The following COL8A1 variants were observed in gnomAD, a reference collection of about 807,000 sequenced individuals.
COL8A1 encodes collagen type VIII alpha 1 chain.
In COL8A1, 21 loss-of-function variants were observed where a neutral mutation model predicts 42.7. That is an observed-to-expected ratio of 0.49 (90% CI 0.35 to 0.71). The LOEUF (loss-of-function observed/expected upper bound fraction) is 0.71, where lower values mean the gene tolerates loss of function less well. Among genes scored for constraint, COL8A1 ranks in the 30% least tolerant of loss-of-function variants. The pLI is 0.01. For synonymous variants in COL8A1, 367 were observed against 369.1 expected, an observed-to-expected ratio of 0.99 and a Z score of 0.06; for missense variants, 788 against 962.4, an observed-to-expected ratio of 0.82 and a Z score of 2.40.
At position 99,790,904 on chromosome 3, in the gene COL8A1, G is replaced by A; in HGVS notation, c.222G>A (p.Met74Ile). The A allele has an allele frequency of 6.2e-7, 1 of 1,614,144 alleles. No homozygotes were observed. The highest frequency in any genetic ancestry group is 1.1e-5 in the South Asian group (1 of 91,084). Reference sequence around the variant, plus strand: ...ATGGCCTTGCCATGGGCAAGGAGATGCCCCACTTGCAGTATGGCAAAGAGT... The same window carrying A: ...ATGGCCTTGCCATGGGCAAGGAGATACCCCACTTGCAGTATGGCAAAGAGT... ...AKDGLAMGKE[M>I]PHLQYGKEYP... Residue 74 changes from methionine (M) to isoleucine (I), a missense_variant, in exon 3 of 4, where the codon ATG (methionine) becomes ATA (isoleucine). Met to Ile is a conservative substitution (Grantham distance 10, BLOSUM62 1). This residue lies in a region of COL8A1 where 421 missense variants were observed against 553.1 expected (regional missense o/e 0.76). Coordinates refer to ENST00000652472, the MANE Select transcript of COL8A1 (RefSeq NM_020351.4).
In COL8A1 at chr3:99,758,434, T is replaced by G. The variant is rs368519015; in HGVS notation, c.-4+13413T>G. ...CATAATTCCATTACATTTATGGCTG[T>G]ATAAACTGAGCAGAGCTCCTCTTGA... On this transcript the variant is annotated intron_variant, in intron 2 of 3. Coordinates refer to ENST00000652472, the MANE Select transcript of COL8A1 (RefSeq NM_020351.4). Among the ~76,000 whole-genome samples the G allele has an allele frequency of 3.5e-3, 534 of 152,254 alleles. 4 individuals are homozygous for G. The highest frequency in any genetic ancestry group is 0.012 in the African/African-American group (506 of 41,540).
chr3:99,725,120 A>G lies in COL8A1; in HGVS notation c.-128-19777A>G, dbSNP rs76705248. ...ACTGAAAGAGGCTTAATTTAGAGCA[A>G]TTCTGGGGGGAGTGCTCTCTCTGGA... On this transcript the variant is annotated intron_variant, in intron 1 of 3. Coordinates refer to ENST00000652472, the MANE Select transcript of COL8A1 (RefSeq NM_020351.4). Among the ~76,000 whole-genome samples the G allele has an allele frequency of 3.2e-3, 485 of 152,184 alleles. 13 individuals carry two copies. In the East Asian group the frequency reaches 0.061, roughly 19 times the overall value.
chr3:99,639,060 C>A (rs369761301), intron 1 of COL8A1, among the ~76,000 whole-genome samples: 25 of 152,138 alleles, frequency 1.6e-4, no homozygotes, highest in East Asian at 9.6e-4. Context: ...AGTTAACTTC[C>A]TAAAAATAGC....
intron 1 of COL8A1, among the ~76,000 whole-genome samples, chr3:99,705,537 C>G (rs139323562): frequency 6.6e-6 from 1 of 152,156 alleles, no homozygotes; most frequent in Non-Finnish European, 1.5e-5. Flanking sequence ...TTTCTTTGTA[C>G]TTGAATTATT....
chr3:99,665,767 C>A (rs1050856795), intron 1 of COL8A1, among the ~76,000 whole-genome samples: 2 of 150,186 alleles, frequency 1.3e-5, no homozygotes, highest in African/African-American at 4.9e-5. Flanking sequence ...CTGCAACCTC[C>A]GCCTCCCGGG....
At chr3:99,791,816 T>C (rs763634082) in intron 3 of COL8A1, among the ~76,000 whole-genome samples, 1 of 152,348 alleles carries the variant, frequency 6.6e-6, no homozygotes. Context: ...GAGGCCTAGA[T>C]GCCTGGATGC....
At chr3:99,664,951 C>T (rs1938318808) in intron 1 of COL8A1, among the ~76,000 whole-genome samples, 1 of 152,182 alleles carries the variant, frequency 6.6e-6, no homozygotes, top group South Asian at 2.1e-4. Flanking sequence ...CTTCCAACGT[C>T]CTTCAGATGC....
intron 1 of COL8A1, among the ~76,000 whole-genome samples, chr3:99,656,159 A>G (rs1171121816): frequency 6.6e-6 from 1 of 152,254 alleles, no homozygotes; most frequent in Non-Finnish European, 1.5e-5. Flanking sequence ...GGTATAAAAT[A>G]TCAGCTATTG....
intron 1 of COL8A1, among the ~76,000 whole-genome samples, chr3:99,709,708 T>G (rs1406479615): frequency 6.6e-6 from 1 of 152,190 alleles, no homozygotes; most frequent in African/African-American, 2.4e-5. Context: ...TCTATTTGGT[T>G]TGACCTGTGT....
At chr3:99,699,780 TTCTC>T (rs1343008208) in intron 1 of COL8A1, among the ~76,000 whole-genome samples, 3 of 152,140 alleles carry the variant, frequency 2.0e-5, no homozygotes, top group Non-Finnish European at 2.9e-5. Context: ...GACATCCTCT[TTCTC>T]TCTCCCCCGT....
chr3:99,683,849 T>C (rs1390725294), intron 1 of COL8A1, among the ~76,000 whole-genome samples: 1 of 152,186 alleles, frequency 6.6e-6, no homozygotes, highest in Non-Finnish European at 1.5e-5. Context: ...AAGTGCATGC[T>C]TTCAGCCCAA....
intron 1 of COL8A1, among the ~76,000 whole-genome samples, chr3:99,723,341 G>A (rs1940209681): frequency 6.6e-6 from 1 of 152,008 alleles, no homozygotes; most frequent in South Asian, 2.1e-4. Context: ...GTAGAGACCT[G>A]CCTGGAAGTT....
chr3:99,680,597 T>A (rs1938843825), intron 1 of COL8A1: 1 of 152,194 alleles, frequency 6.6e-6, no homozygotes, highest in African/African-American at 2.4e-5. Flanking sequence ...GTTGAGCTAG[T>A]TTACAGTCCC....
intron 1 of COL8A1, among the ~76,000 whole-genome samples, chr3:99,695,736 A>T (rs1445848181): frequency 6.6e-6 from 1 of 152,172 alleles, no homozygotes; most frequent in African/African-American, 2.4e-5. Context: ...TATTGCACAA[A>T]ATATAGGCTC....
chr3:99,796,057 C>T lies in COL8A1; in HGVS notation c.2156C>T (p.Pro719Leu). 1.2e-6 allele frequency: 2 copies of T among 1,611,340 alleles called. No homozygotes were observed. The highest frequency in any genetic ancestry group is 1.7e-6 in the Non-Finnish European group (2 of 1,178,368). ...GGAGACCGGGTGTTCCTCCAGATGC[C>T]CTCAGAACAGGCTGCAGGACTGTAT... ...RPGDRVFLQM[P>L]SEQAAGLYAG... The change falls in exon 4 of 4, where the codon CCC becomes CTC. Residue 719 changes from proline (P) to leucine (L), a missense_variant. Physicochemically the swap from Pro to Leu is moderately conservative, Grantham distance 98. This residue lies in a region of COL8A1 where 212 missense variants were observed against 210.9 expected (regional missense o/e 1.00). Transcript: ENST00000652472.
chr3:99,795,981 A>C lies in COL8A1; in HGVS notation c.2080A>C (p.Lys694Gln). ...PVMYTYDEYK[K>Q]GFLDQASGSA... ...GATGTACACGTACGACGAGTACAAA[A>C]AGGGCTTCCTGGACCAGGCATCTGG... is the stretch of plus-strand genomic sequence containing the variant. Residue 694 changes from lysine to glutamine, a missense_variant, in exon 4 of 4, where the codon AAG (lysine) becomes CAG (glutamine). Lys to Gln is a moderately conservative substitution (Grantham distance 53). This residue lies in a region of COL8A1 where 212 missense variants were observed against 210.9 expected (regional missense o/e 1.00). Transcript: ENST00000652472. 1 of 1,614,038 alleles carries C rather than the reference A, an allele frequency of 6.2e-7. No individual in the cohort carries two copies. The highest frequency in any genetic ancestry group is 1.1e-5 in the South Asian group (1 of 91,078).
At chr3:99,743,906 T>C (rs185150620) in intron 1 of COL8A1, among the ~76,000 whole-genome samples, 3 of 152,330 alleles carry the variant, frequency 2.0e-5, no homozygotes, top group Admixed American at 2.0e-4. Flanking sequence ...TAAAATATTT[T>C]TTGAACAGCA....
At chr3:99,671,961 G>T (rs1244672757) in intron 1 of COL8A1, among the ~76,000 whole-genome samples, 2 of 152,086 alleles carry the variant, frequency 1.3e-5, no homozygotes, top group African/African-American at 4.8e-5. Flanking sequence ...TACCCAACCT[G>T]CTACAAGAGA....
At chr3:99,670,861 G>T (rs1356156366) in intron 1 of COL8A1, among the ~76,000 whole-genome samples, 2 of 151,664 alleles carry the variant, frequency 1.3e-5, no homozygotes, top group Admixed American at 6.6e-5. Context: ...GCTGGTTTAA[G>T]GTACTCCCAT....
Sources: allele counts gnomAD v4.1 joint callset (sites outside exome capture counted in the v4.1 genomes callset), GRCh38; gene constraint gnomAD v4.1.1; regional missense constraint gnomAD v4.1.1; transcripts MANE v1.5; gene names NCBI Gene and HGNC (gene_info 2026-07-23, HGNC 2026-07-21).